TSNARE1: variants seen among roughly 807,000 people sequenced by gnomAD.
The protein encoded by TSNARE1 is t-SNARE domain-containing protein 1.
Under a neutral mutation model 62.0 loss-of-function variants are expected in TSNARE1, and 49 were observed. That is an observed-to-expected ratio of 0.79 (90% CI 0.63 to 1.00). The LOEUF is 1.00. Ranked by LOEUF, TSNARE1 falls within the 50% of genes least tolerant of loss-of-function variation. The pLI is 0.00. For missense variants in TSNARE1, 755 were observed against 700.1 expected (o/e 1.08, Z -0.88); for synonymous variants, 328 against 294.4 (o/e 1.11, Z -1.17).
rs973105444 is a variant in TSNARE1, at chr8:142,322,861, G to A, written c.894-4227C>T. On this transcript the variant is annotated intron_variant, in intron 6 of 13. Coordinates refer to ENST00000524325, the MANE Select transcript of TSNARE1 (RefSeq NM_145003.5). ...ACGAAAGGCCGGCCTGGCCGTGTCT[G>A]TGGGCTGATGACGATATTGTTATGA... Among the ~76,000 whole-genome samples the A allele has an allele frequency of 4.6e-5, 7 of 151,732 alleles. No individual in the cohort carries two copies. The East Asian group carries it at 1.4e-3, about 29-fold the overall frequency.
chr8:142,377,681 G>C (rs1166345409), intron 1 of TSNARE1, among the ~76,000 whole-genome samples: 1 of 152,174 alleles, frequency 6.6e-6, no homozygotes, highest in Non-Finnish European at 1.5e-5. Flanking sequence ...CTCAGACACA[G>C]CTTGTGGGGG....
At chr8:142,256,722 C>A (rs1032707064) in intron 12 of TSNARE1, among the ~76,000 whole-genome samples, 7 of 152,118 alleles carry the variant, frequency 4.6e-5, no homozygotes, top group Non-Finnish European at 1.0e-4. Context: ...CAATGAGGAG[C>A]AGAGATTAAG....
Position 142,331,777 on chromosome 8 carries a change from T to A in TSNARE1, c.800A>T (p.Asn267Ile). 2 of 1,605,188 alleles carry A rather than the reference T, an allele frequency of 1.2e-6. No individual in the cohort carries two copies. Among genetic ancestry groups the A allele is most frequent in the Non-Finnish European group, 1.7e-6 (2 of 1,176,058 alleles). ...LQELFQEMSA[N>I]VFRINSSVTS... The stretch of plus-strand genomic sequence containing the variant: ...ACCACTGGAGTTGATTCGGAAGACG[T>A]TGGCCGACATCTCCTGGAACAGCTC... The change falls in exon 5 of 14, where the codon AAC becomes ATC. Residue 267 changes from asparagine to isoleucine, a missense_variant. Transcript: ENST00000524325.
chr8:142,223,049 CA>C (rs1816510501), intron 13 of TSNARE1, among the ~76,000 whole-genome samples: 3 of 148,214 alleles, frequency 2.0e-5, no homozygotes, highest in African/African-American at 2.5e-5. Context: ...CTCACTCACT[CA>C]TTCACTCATT....
At chr8:142,309,041 A>C (rs1827160419) in intron 9 of TSNARE1, among the ~76,000 whole-genome samples, 1 of 152,204 alleles carries the variant, frequency 6.6e-6, no homozygotes, top group South Asian at 2.1e-4. Flanking sequence ...TTTTTGAAGA[A>C]ATTTATCTAT....
At chr8:142,305,000 C>G (rs1826422529) in intron 9 of TSNARE1, among the ~76,000 whole-genome samples, 1 of 152,170 alleles carries the variant, frequency 6.6e-6, no homozygotes, top group Non-Finnish European at 1.5e-5. Flanking sequence ...TAAGAGGTCC[C>G]CGGGGCAGCC....
At chr8:142,359,391 T>A (rs1254130985) in intron 1 of TSNARE1, among the ~76,000 whole-genome samples, 1 of 152,108 alleles carries the variant, frequency 6.6e-6, no homozygotes, top group African/African-American at 2.4e-5. Flanking sequence ...TGCCCTGACC[T>A]CAGCACATCC....
At chr8:142,296,738 G>C (rs1234328210) in intron 10 of TSNARE1, among the ~76,000 whole-genome samples, 1 of 152,052 alleles carries the variant, frequency 6.6e-6, no homozygotes, top group Non-Finnish European at 1.5e-5. Context: ...GCTCAGATCA[G>C]GGCAGGGTGC....
Position 142,222,828 on chromosome 8 carries a change from TCATTCAC to T in TSNARE1, c.*11+6638_*11+6644del, listed in dbSNP as rs1429346021. ...CTCACTCATTCACTCACTCACTCAC[TCATTCAC>T]TCACTCATTCATCCACTCACTCATC... On this transcript the variant is annotated intron_variant, in intron 13 of 13. Transcript: ENST00000524325. 2.4e-4 allele frequency among the ~76,000 whole-genome samples: 33 copies of T among 136,316 alleles called. 2 individuals carry two copies. The highest frequency in any genetic ancestry group is 4.1e-3 in the Middle Eastern group (1 of 242). The allele number at this position is 136,316 out of a possible 152,430, so 89.4% of individuals were successfully genotyped here. A position where few individuals can be genotyped will look rare whatever the true frequency, so the allele number is the denominator to read the frequency against.
intron 11 of TSNARE1, chr8:142,279,972 C>G: frequency 8.9e-7 from 1 of 1,125,480 alleles, no homozygotes; most frequent in Non-Finnish European, 1.1e-6. Flanking sequence ...GGCCGCCCTC[C>G]GCCAGCTTCT....
intron 13 of TSNARE1, among the ~76,000 whole-genome samples, chr8:142,228,900 G>A (rs1181687635): frequency 6.6e-6 from 1 of 152,176 alleles, no homozygotes; most frequent in Non-Finnish European, 1.5e-5. Context: ...TGGTGTACAG[G>A]TGCATGGGTG....
chr8:142,375,804 G>A (rs1489721951), intron 1 of TSNARE1, among the ~76,000 whole-genome samples: 3 of 152,240 alleles, frequency 2.0e-5, no homozygotes, highest in Non-Finnish European at 4.4e-5. Flanking sequence ...GCAAGAGCCT[G>A]CTTGCTCCCA....
intron 10 of TSNARE1, among the ~76,000 whole-genome samples, chr8:142,295,139 C>A (rs376404766): frequency 2.6e-5 from 4 of 152,200 alleles, no homozygotes; most frequent in Non-Finnish European, 5.9e-5. Context: ...CGGGACCCCT[C>A]GAGCCTTCTC....
At chr8:142,393,645 C>G (rs1173330696) in intron 1 of TSNARE1, among the ~76,000 whole-genome samples, 1 of 152,230 alleles carries the variant, frequency 6.6e-6, no homozygotes, top group African/African-American at 2.4e-5. Context: ...TGGTCTGACT[C>G]CCCGAGCACC....
At chr8:142,258,477 C>CTTTTTT (rs56675860) in intron 12 of TSNARE1, among the ~76,000 whole-genome samples, 3 of 107,262 alleles carry the variant, frequency 2.8e-5, no homozygotes, top group Non-Finnish European at 5.4e-5. Context: ...AGAACTTGTG[C>CTTTTTT]TTTTTTTTTT....
chr8:142,367,907 C>T (rs1297209467), intron 1 of TSNARE1, among the ~76,000 whole-genome samples: 1 of 152,118 alleles, frequency 6.6e-6, no homozygotes, highest in Non-Finnish European at 1.5e-5. Flanking sequence ...TTGGTTCATA[C>T]CTCACATAAT....
At chr8:142,275,801 C>T (rs1297575051) in intron 11 of TSNARE1, 2 of 985,276 alleles carry the variant, frequency 2.0e-6, no homozygotes, top group East Asian at 1.1e-4. Flanking sequence ...GGTCTTAAGG[C>T]CTGGGATAGA....
chr8:142,354,196 C>G (rs1834494396), intron 2 of TSNARE1, among the ~76,000 whole-genome samples: 1 of 152,156 alleles, frequency 6.6e-6, no homozygotes, highest in Non-Finnish European at 1.5e-5. Context: ...AACCCCAGCT[C>G]TGCCCTGCAC....
At chr8:142,254,185 C>T (rs979365002) in intron 12 of TSNARE1, among the ~76,000 whole-genome samples, 8 of 152,232 alleles carry the variant, frequency 5.3e-5, no homozygotes, top group Admixed American at 1.3e-4. Context: ...TTAATGAAAC[C>T]GATCTATATC....
Sources: gnomAD v4.1 joint callset for allele counts (sites outside exome capture counted in the v4.1 genomes callset) on GRCh38, gnomAD v4.1.1 for gene constraint, MANE v1.5 for transcripts, NCBI Gene and HGNC (gene_info 2026-07-23, HGNC 2026-07-21) for gene names.